Variants in PCDH15 observed in about 807,000 individuals in gnomAD.
PCDH15 encodes the protein protocadherin related 15.
Under a neutral mutation model 178.5 loss-of-function variants are expected in PCDH15, and 129 were observed. The observed-to-expected ratio is 0.72, with a 90% CI of 0.63 to 0.84. PCDH15 has a LOEUF of 0.84. Ranked by LOEUF, PCDH15 falls within the 40% of genes least tolerant of loss-of-function variation. The pLI is 0.00. For synonymous variants in PCDH15, 800 were observed against 732.0 expected (o/e 1.09, Z -1.50); for missense variants, 2,230 against 2,099.9 (o/e 1.06, Z -1.21).
At chr10:55,204,243 CTT>C (rs1326417923) in intron 1 of PCDH15, among the ~76,000 whole-genome samples, 1 of 148,914 alleles carries the variant, frequency 6.7e-6, no homozygotes, top group Non-Finnish European at 1.5e-5. Context: ...TCAAGGAAGA[CTT>C]TTAAATATTT....
intron 9 of PCDH15, among the ~76,000 whole-genome samples, chr10:54,215,160 T>C (rs2051872838): frequency 7.0e-6 from 1 of 143,436 alleles, no homozygotes; most frequent in Admixed American, 7.2e-5. Flanking sequence ...TTACAGATCA[T>C]GACTTGGGAG....
At chr10:54,575,398 A>T (rs2090359107) in intron 2 of PCDH15, 1 of 153,316 alleles carries the variant, frequency 6.5e-6, no homozygotes, top group African/African-American at 2.4e-5. Context: ...TCCTAATATT[A>T]GCCAAGTTAT....
chr10:54,903,065 T>A (rs1444265570), intron 2 of PCDH15, among the ~76,000 whole-genome samples: 1 of 152,132 alleles, frequency 6.6e-6, no homozygotes, highest in Non-Finnish European at 1.5e-5. Context: ...GGTGGCCAAA[T>A]ATATATGAGT....
intron 2 of PCDH15, among the ~76,000 whole-genome samples, chr10:55,333,737 T>C (rs1217958847): frequency 3.3e-5 from 5 of 152,020 alleles, no homozygotes; most frequent in East Asian, 3.9e-4. Context: ...AACAGGAACG[T>C]TGGAATTTCT....
chr10:54,853,318 T>TATATATACATATATAC (rs1194965974), intron 3 of PCDH15, among the ~76,000 whole-genome samples: 1 of 102,054 alleles, frequency 9.8e-6, no homozygotes, highest in Non-Finnish European at 1.8e-5. Flanking sequence ...TATATATATA[T>TATATATACATATATAC]ACATACACAC....
At chr10:54,373,449 G>T (rs1012652300) in intron 4 of PCDH15, among the ~76,000 whole-genome samples, 1 of 151,954 alleles carries the variant, frequency 6.6e-6, no homozygotes, top group African/African-American at 2.4e-5. Flanking sequence ...GGCCAGAGTT[G>T]TCAGTGTCCT....
intron 1 of PCDH15, among the ~76,000 whole-genome samples, chr10:54,791,090 C>A (rs1250222023): frequency 6.6e-6 from 1 of 151,884 alleles, no homozygotes; most frequent in Non-Finnish European, 1.5e-5. Flanking sequence ...TTACTAATAA[C>A]CTCCATTTTT....
rs1441558121 is a variant in PCDH15, at chr10:54,378,285, C to G, written c.318+497G>C. On this transcript the variant is annotated intron_variant, in intron 4 of 37. Transcript: ENST00000644397. Reference sequence around the variant, plus strand: ...TGCTATCTGAGAACTACTTGACTGGCATATTACCATGAAACTTTTTCTCAT... The same window carrying G: ...TGCTATCTGAGAACTACTTGACTGGGATATTACCATGAAACTTTTTCTCAT... Among the ~76,000 whole-genome samples, 9 of 150,130 alleles carry G rather than the reference C, an allele frequency of 6.0e-5. No homozygotes were observed. In the Admixed American group the frequency reaches 6.1e-4, roughly 10 times the overall value.
intron 2 of PCDH15, among the ~76,000 whole-genome samples, chr10:55,556,814 G>A (rs983397377): frequency 6.6e-6 from 1 of 152,154 alleles, no homozygotes; most frequent in Non-Finnish European, 1.5e-5. Flanking sequence ...GTACTCTATC[G>A]TGGGAGACTG....
chr10:54,763,675 A>T (rs7893865), intron 1 of PCDH15, among the ~76,000 whole-genome samples: 87,111 of 150,446 alleles, frequency 0.58, 25,576 homozygotes, highest in African/African-American at 0.63. Context: ...AATATGGTGA[A>T]TTGATTTTTA....
intron 2 of PCDH15, among the ~76,000 whole-genome samples, chr10:55,610,349 A>G (rs944052450): frequency 2.0e-5 from 3 of 152,120 alleles, no homozygotes; most frequent in Admixed American, 6.6e-5. Flanking sequence ...GATACAGGTT[A>G]TATACTCTTA....
chr10:55,591,115 C>T (rs1186282303), intron 2 of PCDH15, among the ~76,000 whole-genome samples: 2 of 151,844 alleles, frequency 1.3e-5, no homozygotes, highest in African/African-American at 2.4e-5. Context: ...TTCATTTTAG[C>T]AATTTACTTG....
chr10:54,510,657 T>C (rs572078928), intron 3 of PCDH15, among the ~76,000 whole-genome samples: 1 of 152,290 alleles, frequency 6.6e-6, no homozygotes, highest in Admixed American at 6.5e-5. Context: ...GACCTGATGA[T>C]CTGGTTAAAA....
chr10:53,826,770 G>T (rs534577313), intron 32 of PCDH15, among the ~76,000 whole-genome samples: 1 of 151,922 alleles, frequency 6.6e-6, no homozygotes, highest in Non-Finnish European at 1.5e-5. Flanking sequence ...AGAAATATTC[G>T]GTAATCACCG....
chr10:54,043,476 T>A (rs906694100), intron 18 of PCDH15, among the ~76,000 whole-genome samples: 1 of 151,934 alleles, frequency 6.6e-6, no homozygotes, highest in African/African-American at 2.4e-5. Context: ...TCACTGCAGC[T>A]TTGACTTTCC....
At chr10:55,556,917 G>A (rs1257469777) in intron 2 of PCDH15, among the ~76,000 whole-genome samples, 2 of 152,124 alleles carry the variant, frequency 1.3e-5, no homozygotes, top group South Asian at 2.1e-4. Flanking sequence ...TTAATCATGT[G>A]TATTTGTGTA....
At chr10:53,969,438 G>A (rs957095841) in intron 21 of PCDH15, among the ~76,000 whole-genome samples, 30 of 152,270 alleles carry the variant, frequency 2.0e-4, no homozygotes, top group African/African-American at 6.5e-4. Flanking sequence ...CACTCTGCAG[G>A]ATATTATCCA....
intron 2 of PCDH15, among the ~76,000 whole-genome samples, chr10:55,334,242 A>ATATATGTGTGTGTGTG (rs1291195941): frequency 1.4e-5 from 1 of 72,162 alleles, no homozygotes; most frequent in Non-Finnish European, 2.2e-5. Context: ...ATATATATAT[A>ATATATGTGTGTGTGTG]TGTGTGTGTG....
At chr10:54,960,538 G>C (rs1317393321) in intron 2 of PCDH15, among the ~76,000 whole-genome samples, 1 of 152,132 alleles carries the variant, frequency 6.6e-6, no homozygotes, top group Non-Finnish European at 1.5e-5. Flanking sequence ...GAGTTCCCAT[G>C]TGATTTATGG....
Sources: allele counts gnomAD v4.1 joint callset (sites outside exome capture counted in the v4.1 genomes callset), GRCh38; gene constraint gnomAD v4.1.1; transcripts MANE v1.5; gene names NCBI Gene and HGNC (gene_info 2026-07-23, HGNC 2026-07-21).